SUPT3H: variants seen among roughly 807,000 people sequenced by gnomAD.
The protein encoded by SUPT3H is SPT3 homolog, SAGA and STAGA complex component, also known as transcription initiation protein SPT3 homolog.
A neutral mutation model predicts 44.3 loss-of-function variants in SUPT3H; 44 were observed. The ratio of observed to expected loss-of-function variants is 0.99; its 90% CI spans 0.78 to 1.28. The LOEUF is 1.28. Among genes scored for constraint, SUPT3H ranks in the 50% most tolerant of loss-of-function variants. The pLI is 0.00. For missense variants in SUPT3H, 380 were observed against 387.1 expected (o/e 0.98, Z 0.15); for synonymous variants, 124 against 125.6 (o/e 0.99, Z 0.09).
chr6:45,340,973 CTTTATTTCT>C (rs1333431898), intron 2 of SUPT3H, among the ~76,000 whole-genome samples: 1 of 152,086 alleles, frequency 6.6e-6, no homozygotes, highest in Non-Finnish European at 1.5e-5. Flanking sequence ...TCCAGACAAC[CTTTATTTCT>C]AAGCTTTAAC....
chr6:45,176,414 G>A (rs192095606), intron 2 of SUPT3H, among the ~76,000 whole-genome samples: 9 of 151,868 alleles, frequency 5.9e-5, no homozygotes, highest in Admixed American at 1.3e-4. Context: ...CACCTGGCTC[G>A]GAGGGTCCTA....
At chr6:45,268,743 G>T (rs1436169557) in intron 2 of SUPT3H, among the ~76,000 whole-genome samples, 2 of 152,122 alleles carry the variant, frequency 1.3e-5, no homozygotes, top group African/African-American at 4.8e-5. Context: ...AAAACTAAAT[G>T]TTAGATAACT....
At chr6:45,238,750 C>T (rs1285404920) in intron 2 of SUPT3H, among the ~76,000 whole-genome samples, 1 of 152,122 alleles carries the variant, frequency 6.6e-6, no homozygotes, top group Non-Finnish European at 1.5e-5. Flanking sequence ...AATGGGAGAA[C>T]TTGGATTGTT....
intron 10 of SUPT3H, among the ~76,000 whole-genome samples, chr6:44,849,197 G>A (rs1772411100): frequency 6.8e-6 from 1 of 147,288 alleles, no homozygotes; most frequent in Non-Finnish European, 1.5e-5. Flanking sequence ...CATAGCTGTA[G>A]ATATAAGCAC....
chr6:45,151,631 G>A (rs142300165), intron 2 of SUPT3H, among the ~76,000 whole-genome samples: 1 of 152,122 alleles, frequency 6.6e-6, no homozygotes, highest in Non-Finnish European at 1.5e-5. Context: ...CTCCAACACT[G>A]GGCATTAAAT....
At chr6:45,128,141 G>C (rs1272351657) in intron 2 of SUPT3H, among the ~76,000 whole-genome samples, 1 of 152,006 alleles carries the variant, frequency 6.6e-6, no homozygotes, top group Non-Finnish European at 1.5e-5. Flanking sequence ...CAATGTACAA[G>C]AGAATCAAGG....
At chr6:44,973,945 G>A (rs1034366363) in intron 6 of SUPT3H, among the ~76,000 whole-genome samples, 6 of 152,108 alleles carry the variant, frequency 3.9e-5, no homozygotes, top group African/African-American at 7.2e-5. Context: ...CCCACGACAC[G>A]TGAGGATTAT....
At chr6:44,966,359 A>C (rs555736436) in intron 6 of SUPT3H, among the ~76,000 whole-genome samples, 3 of 151,058 alleles carry the variant, frequency 2.0e-5, no homozygotes, top group Non-Finnish European at 4.4e-5. Context: ...TTTAAAATGA[A>C]ACTAATAAAA....
At chr6:44,956,870 A>AT (rs1775298879) in intron 7 of SUPT3H, among the ~76,000 whole-genome samples, 1 of 152,182 alleles carries the variant, frequency 6.6e-6, no homozygotes, top group Non-Finnish European at 1.5e-5. Context: ...TCTTTCACAA[A>AT]TGCTTATAAT....
intron 10 of SUPT3H, among the ~76,000 whole-genome samples, chr6:44,916,521 C>A (rs1057469376): frequency 3.3e-5 from 5 of 152,110 alleles, no homozygotes; most frequent in Non-Finnish European, 7.3e-5. Flanking sequence ...ATTTGTGGAT[C>A]TCAAGATATT....
At chr6:45,296,807 A>G (rs944387445) in intron 2 of SUPT3H, among the ~76,000 whole-genome samples, 1 of 149,174 alleles carries the variant, frequency 6.7e-6, no homozygotes, top group African/African-American at 2.5e-5. Context: ...TGATGGGTGC[A>G]CCAAAATCTC....
At chr6:45,281,402 G>A (rs897212461) in intron 2 of SUPT3H, among the ~76,000 whole-genome samples, 1 of 152,150 alleles carries the variant, frequency 6.6e-6, no homozygotes, top group Non-Finnish European at 1.5e-5. Context: ...CTAATACTGC[G>A]CTTTTCCAAT....
At chr6:45,342,167 T>C (rs1468570784) in intron 2 of SUPT3H, among the ~76,000 whole-genome samples, 1 of 151,830 alleles carries the variant, frequency 6.6e-6, no homozygotes, top group Non-Finnish European at 1.5e-5. Flanking sequence ...ATGAGGAAAA[T>C]AGGAAAGGGT....
At chr6:45,280,236 T>C (rs764934097) in intron 2 of SUPT3H, among the ~76,000 whole-genome samples, 1 of 152,176 alleles carries the variant, frequency 6.6e-6, no homozygotes, top group Non-Finnish European at 1.5e-5. Flanking sequence ...GTGTCGTGGC[T>C]CACACCTGTA....
At chr6:45,000,575 T>C (rs1781884977) in intron 6 of SUPT3H, among the ~76,000 whole-genome samples, 1 of 152,092 alleles carries the variant, frequency 6.6e-6, no homozygotes, top group South Asian at 2.1e-4. Context: ...TCAGTCTTTA[T>C]GAGAAACTAT....
intron 3 of SUPT3H, among the ~76,000 whole-genome samples, chr6:45,099,808 A>G (rs1798292746): frequency 6.6e-6 from 1 of 152,214 alleles, no homozygotes; most frequent in South Asian, 2.1e-4. Flanking sequence ...CAATCTAAAA[A>G]TGAAATGATG....
intron 2 of SUPT3H, among the ~76,000 whole-genome samples, chr6:45,221,977 A>C (rs1336578187): frequency 3.9e-5 from 6 of 152,164 alleles, no homozygotes. Flanking sequence ...GGACCAAGCA[A>C]ATAATGGCTC....
chr6:45,184,792 A>G (rs1200076914), intron 2 of SUPT3H, among the ~76,000 whole-genome samples: 1 of 35,430 alleles, frequency 2.8e-5, no homozygotes, highest in African/African-American at 1.1e-4. Flanking sequence ...AAAAAAAAAA[A>G]AAAAAAAAAA....
At chr6:45,361,975 C>T (rs1005291030) in intron 2 of SUPT3H, among the ~76,000 whole-genome samples, 2 of 152,048 alleles carry the variant, frequency 1.3e-5, no homozygotes, top group African/African-American at 4.8e-5. Flanking sequence ...CACTTGAGGC[C>T]GGGAGGCAGA....
Sources: allele counts gnomAD v4.1 joint callset (sites outside exome capture counted in the v4.1 genomes callset), GRCh38; gene constraint gnomAD v4.1.1; transcripts MANE v1.5; gene names NCBI Gene and HGNC (gene_info 2026-07-23, HGNC 2026-07-21).